Variants in RGS6 observed in about 807,000 individuals in gnomAD.
The protein encoded by RGS6 is regulator of G protein signaling 6, also known as regulator of G-protein signaling 6.
RGS6 carries 30 observed loss-of-function variants against 78.5 expected under a neutral mutation model. That is an observed-to-expected ratio of 0.38 (90% CI 0.29 to 0.52). The LOEUF is 0.52. Ranked by LOEUF, RGS6 falls within the 20% of genes least tolerant of loss-of-function variation. The pLI, the probability that RGS6 is intolerant of heterozygous loss-of-function variation, is 0.85. For missense variants in RGS6, 495 were observed against 609.7 expected, an observed-to-expected ratio of 0.81 and a Z score of 1.98; for synonymous variants, 206 against 206.0, an observed-to-expected ratio of 1.00 and a Z score of 0.00.
the RGS6 span, among the ~76,000 whole-genome samples, chr14:71,904,084 C>T: frequency 6.6e-6 from 1 of 152,162 alleles, no homozygotes; most frequent in Non-Finnish European, 1.5e-5. Flanking sequence ...ATTAAATGCA[C>T]AAGAAGAATA....
chr14:72,474,577 G>A (rs764639334), intron 9 of RGS6, 48 bp from the exon 10 acceptor site: 5 of 1,534,958 alleles, frequency 3.3e-6, no homozygotes, highest in Admixed American at 3.7e-5. Flanking sequence ...TAAATTGGAA[G>A]TGTAATTTTC....
intron 2 of RGS6, among the ~76,000 whole-genome samples, chr14:72,033,084 C>CTTAAT (rs755215901): frequency 6.6e-5 from 10 of 152,184 alleles, no homozygotes; most frequent in Admixed American, 1.3e-4. Context: ...CCTAGCCTAC[C>CTTAAT]TTAAACATGC....
intron 13 of RGS6, among the ~76,000 whole-genome samples, chr14:72,497,409 T>C (rs1291052823): frequency 6.6e-6 from 1 of 152,200 alleles, no homozygotes; most frequent in Non-Finnish European, 1.5e-5. Flanking sequence ...ACAGTCACAT[T>C]TACTTGAATC....
At chr14:72,452,541 T>C (rs1035745100) in intron 3 of RGS6, among the ~76,000 whole-genome samples, 1 of 152,198 alleles carries the variant, frequency 6.6e-6, no homozygotes, top group Non-Finnish European at 1.5e-5. Context: ...ACCAGTCACA[T>C]ATCTAAGAAA....
chr14:72,374,289 T>C lies in RGS6; in HGVS notation c.184+22095T>C, dbSNP rs1029492607. On this transcript the variant is annotated intron_variant, in intron 3 of 17. Transcript: ENST00000553525. ...GGTGTGGGATGTTCCCCTTCCTGTG[T>C]CCATGTGTTCTCATTGTTCAATTCC... Among the ~76,000 whole-genome samples, 4 of 149,070 alleles carry C rather than the reference T, an allele frequency of 2.7e-5. No homozygotes were observed. In the East Asian group the frequency reaches 8.3e-4, roughly 31 times the overall value.
At chr14:72,070,050 T>A (rs536377071) in intron 2 of RGS6, among the ~76,000 whole-genome samples, 2 of 152,320 alleles carry the variant, frequency 1.3e-5, no homozygotes, top group African/African-American at 4.8e-5. Flanking sequence ...TATTTTGCCC[T>A]TATTCTAAAC....
chr14:72,186,012 TGTGA>T (rs1197829253), intron 2 of RGS6, among the ~76,000 whole-genome samples: 1 of 152,268 alleles, frequency 6.6e-6, no homozygotes, highest in African/African-American at 2.4e-5. Flanking sequence ...AAAATAATCC[TGTGA>T]GTATTATTCT....
At position 72,459,640 on chromosome 14, in the gene RGS6, C is replaced by T; in HGVS notation, c.351C>T (p.Tyr117=). Residue 117 remains tyrosine (Y), a synonymous_variant, in exon 6 of 18, where the codon TAC becomes TAT. Transcript: ENST00000553525. The stretch of plus-strand genomic sequence containing the variant: ...CCCATGCTCCTTTGCAGGCTCCGTA[C>T]TTCTGGCCTTCGAACTGCTGGGAAC... ...DGTFYRFQAP[Y]FWPSNCWEPE... is the part of the protein sequence containing the mutation. 6.2e-7 allele frequency: 1 copy of T among 1,614,122 alleles called. No individual in the cohort carries two copies. Among genetic ancestry groups the T allele is most frequent in the South Asian group, 1.1e-5 (1 of 91,076 alleles).
intron 3 of RGS6, among the ~76,000 whole-genome samples, chr14:72,453,889 T>G (rs914600619): frequency 1.1e-4 from 17 of 152,104 alleles, no homozygotes; most frequent in African/African-American, 3.6e-4. Flanking sequence ...GGGGCAGAGC[T>G]AAGGAGAGCC....
intron 1 of RGS6, among the ~76,000 whole-genome samples, chr14:71,955,325 T>C (rs1482827137): frequency 1.3e-5 from 2 of 152,056 alleles, no homozygotes; most frequent in Non-Finnish European, 2.9e-5. Context: ...TTCCCTTTGG[T>C]AAATGGTAAC....
chr14:72,598,347 A>G, the RGS6 span, among the ~76,000 whole-genome samples: 5 of 152,226 alleles, frequency 3.3e-5, no homozygotes, highest in African/African-American at 1.2e-4. Flanking sequence ...GGGTCTTGGA[A>G]AGATTTCAAA....
intron 2 of RGS6, among the ~76,000 whole-genome samples, chr14:72,184,226 C>T (rs889737350): frequency 1.3e-5 from 2 of 152,030 alleles, no homozygotes; most frequent in African/African-American, 2.4e-5. Flanking sequence ...TTACAGTGCT[C>T]TCGCAAATAT....
chr14:72,415,041 G>A (rs926585954), intron 3 of RGS6, among the ~76,000 whole-genome samples: 18 of 152,282 alleles, frequency 1.2e-4, no homozygotes, highest in Admixed American at 1.1e-3. Flanking sequence ...ACTGCGTGCT[G>A]AGAGAACCAC....
intron 2 of RGS6, among the ~76,000 whole-genome samples, chr14:72,116,986 AAG>A (rs1413022954): frequency 3.5e-5 from 5 of 143,744 alleles, no homozygotes; most frequent in Admixed American, 1.4e-4. Flanking sequence ...AAAAAAAAAA[AAG>A]AGAGTTTAAA....
At chr14:71,867,763 T>C in the RGS6 span, among the ~76,000 whole-genome samples, 12 of 152,188 alleles carry the variant, frequency 7.9e-5, no homozygotes, top group African/African-American at 2.6e-4. Flanking sequence ...AATAGATAGA[T>C]TTTACGTATG....
intron 2 of RGS6, among the ~76,000 whole-genome samples, chr14:72,121,716 C>T (rs2096057468): frequency 6.6e-6 from 1 of 152,104 alleles, no homozygotes; most frequent in South Asian, 2.1e-4. Context: ...AGGTCTTCTG[C>T]CTGGAGAGTC....
At chr14:71,877,129 T>C in the RGS6 span, among the ~76,000 whole-genome samples, 1 of 152,254 alleles carries the variant, frequency 6.6e-6, no homozygotes, top group Admixed American at 6.5e-5. Flanking sequence ...ATTTCAACTT[T>C]GATGAATCTG....
chr14:72,105,789 A>T (rs1417192388), intron 2 of RGS6, among the ~76,000 whole-genome samples: 1 of 152,246 alleles, frequency 6.6e-6, no homozygotes, highest in Non-Finnish European at 1.5e-5. Flanking sequence ...AAATAGTTCC[A>T]TAGCAGTCTT....
chr14:72,415,917 A>G (rs1173778970), intron 3 of RGS6, among the ~76,000 whole-genome samples: 1 of 152,164 alleles, frequency 6.6e-6, no homozygotes, highest in Non-Finnish European at 1.5e-5. Flanking sequence ...CGGGAGGCCA[A>G]GGCGGGCAGA....
Sources: allele counts gnomAD v4.1 joint callset (sites outside exome capture counted in the v4.1 genomes callset), GRCh38; gene constraint gnomAD v4.1.1; transcripts MANE v1.5; gene names NCBI Gene and HGNC (gene_info 2026-07-23, HGNC 2026-07-21).